ELOA: variants seen among roughly 807,000 people sequenced by gnomAD.
ELOA encodes elongin A.
ELOA carries 15 observed loss-of-function variants against 85.2 expected under a neutral mutation model. That is an observed-to-expected ratio of 0.18 (90% confidence interval 0.12 to 0.27). The LOEUF is 0.27. Ranked by LOEUF, ELOA falls within the 10% of genes least tolerant of loss-of-function variation. ELOA has a pLI of 1.00. For missense variants in ELOA, 769 were observed against 952.7 expected, an observed-to-expected ratio of 0.81 and a Z score of 2.54; for synonymous variants, 348 against 357.2, an observed-to-expected ratio of 0.97 and a Z score of 0.29.
chr1:23,750,894 C>T lies in ELOA; in HGVS notation c.289C>T (p.Arg97Cys), dbSNP rs553800577. 10 of 1,606,836 alleles carry T rather than the reference C, an allele frequency of 6.2e-6. No individual in the cohort carries two copies. The highest frequency in any genetic ancestry group is 4.5e-5 in the East Asian group (2 of 44,854). The change falls in exon 4 of 11, where the codon CGC (arginine) becomes TGC (cysteine). Residue 97 changes from arginine to cysteine, a missense_variant. By Grantham distance (180) the Arg-to-Cys change is radical (BLOSUM62 -3). Coordinates refer to ENST00000613537, the MANE Select transcript of ELOA (RefSeq NM_003198.3). ...QDFEKSNSRK[R>C]PRDALQKEEE... ...CTTTGAGAAGAGCAATTCCCGAAAG[C>T]GCCCTCGGGATGCCCTGCAGAAGGA...
At position 23,756,937 on chromosome 1, in the gene ELOA, T is replaced by G; in HGVS notation, c.2085-16T>G. The G allele has an allele frequency of 6.8e-7, 1 of 1,481,438 alleles. No individual in the cohort carries two copies. The highest frequency in any genetic ancestry group is 8.9e-7 in the Non-Finnish European group (1 of 1,118,546). The allele number at this position is 1,481,438 out of a possible 1,614,324, so 91.8% of individuals were successfully genotyped here. On this transcript the variant is annotated splice_polypyrimidine_tract_variant and intron_variant, in intron 9 of 10. Coordinates refer to ENST00000613537, the MANE Select transcript of ELOA (RefSeq NM_003198.3). ...TTCTTGTGCTCATGCCTAACCAGTG[T>G]TGTCCTGTGTTGCAGGATCAAGCCA...
At chr1:23,749,351 A>G (rs540914832) in intron 2 of ELOA, among the ~76,000 whole-genome samples, 1 of 152,350 alleles carries the variant, frequency 6.6e-6, no homozygotes, top group East Asian at 1.9e-4. Flanking sequence ...GATGGTTATA[A>G]TGGTTATATA....
rs958648529 is a variant in ELOA at position 23,751,704 on chromosome 1, A to G, written c.1099A>G (p.Asn367Asp). Reference protein sequence around the residue: ...LLPKVKEKGSNNLKTPEGKVK... With the variant: ...LLPKVKEKGSDNLKTPEGKVK... Reference sequence around the variant, plus strand: ...GCCCAAGGTAAAAGAGAAGGGTTCTAACAACCTAAAGACTCCAGAAGGGAA... The same window carrying G: ...GCCCAAGGTAAAAGAGAAGGGTTCTGACAACCTAAAGACTCCAGAAGGGAA... The change falls in exon 4 of 11, where the codon AAC (asparagine) becomes GAC (aspartate). Residue 367 changes from asparagine to aspartate, a missense_variant. Physicochemically the swap from Asn to Asp is conservative, Grantham distance 23 (BLOSUM62 1). This residue lies in a region of ELOA where 440 missense variants were observed against 474.0 expected (regional missense o/e 0.93). Transcript: ENST00000613537. 9 of 1,614,068 alleles carry G rather than the reference A, an allele frequency of 5.6e-6. No individual in the cohort carries two copies. In the African/African-American group the frequency reaches 1.1e-4, roughly 19 times the overall value.
intron 3 of ELOA, 148 bp from the exon 4 acceptor site, chr1:23,750,697 C>T (rs909206494): frequency 1.3e-6 from 1 of 742,350 alleles, no homozygotes; most frequent in African/African-American, 1.8e-5. Flanking sequence ...ATTTGAGTAT[C>T]TTTAAGCATA....
In ELOA at chr1:23,751,432, C is replaced by G; in HGVS notation, c.827C>G (p.Ser276Cys). 4.3e-6 allele frequency: 7 copies of G among 1,614,066 alleles called. No homozygotes were observed. The highest frequency in any genetic ancestry group is 5.1e-6 in the Non-Finnish European group (6 of 1,180,032). ...AGAGAGAAATCACACAAGGCCCTCT[C>G]CAAAGAGGAGAACCGAAGGCCACCC... is the stretch of plus-strand genomic sequence containing the variant. The part of the protein sequence containing the change: ...VSREKSHKAL[S>C]KEENRRPPSG... The change falls in exon 4 of 11, where the codon TCC becomes TGC. Residue 276 changes from serine to cysteine, a missense_variant. Physicochemically the swap from Ser to Cys is moderately radical, Grantham distance 112. This residue lies in a region of ELOA where 440 missense variants were observed against 474.0 expected (regional missense o/e 0.93). Transcript: ENST00000613537.
At chr1:23,755,733 T>A in intron 7 of ELOA, 110 bp from the exon 8 acceptor site, 1 of 1,115,754 alleles carries the variant, frequency 9.0e-7, no homozygotes. Context: ...TGAACCAAAA[T>A]TGCACCACTG....
rs372006856 is a variant in ELOA, at chr1:23,755,926, G to T, written c.1875G>T (p.Ser625=). Residue 625 remains serine, a synonymous_variant, in exon 8 of 11, where the codon TCG becomes TCT. Transcript: ENST00000613537. ...FKEERPEEYE[S]WREMYLRLQD... ...AAGAAAGACCCGAAGAGTATGAGTCGTGGCGAGAGATGTACCTGCGGCTTC... is the reference window on the plus strand; with the variant it reads ...AAGAAAGACCCGAAGAGTATGAGTCTTGGCGAGAGATGTACCTGCGGCTTC... The T allele has an allele frequency of 1.9e-6, 3 of 1,613,862 alleles. No homozygotes were observed.
chr1:23,743,491 G>A lies in ELOA; in HGVS notation c.-13G>A, dbSNP rs939529796. ...AGCCCAGTTCCGGCGAGGAGGCCGC[G>A]CCAGTGACAGCGATGGCGGCGGAGT... On this transcript the variant is annotated 5_prime_UTR_variant, in exon 1 of 11. Transcript: ENST00000613537. 3.3e-6 allele frequency: 5 copies of A among 1,504,452 alleles called. No individual in the cohort carries two copies. The highest frequency in any genetic ancestry group is 3.5e-6 in the Non-Finnish European group (4 of 1,132,358). The allele number at this position is 1,504,452 out of a possible 1,614,324, so 93.2% of individuals were successfully genotyped here.
intron 10 of ELOA, among the ~76,000 whole-genome samples, chr1:23,757,332 G>T (rs540329630): frequency 2.6e-5 from 4 of 152,178 alleles, no homozygotes; most frequent in African/African-American, 9.7e-5. Context: ...GAGTCTGGGT[G>T]CAGTGGCTCA....
chr1:23,743,841 A>T (rs771314094), intron 1 of ELOA, among the ~76,000 whole-genome samples: 1 of 152,090 alleles, frequency 6.6e-6, no homozygotes, highest in African/African-American at 2.4e-5. Flanking sequence ...CCGCGTGCCT[A>T]GCGCTTCCTC....
intron 10 of ELOA, among the ~76,000 whole-genome samples, chr1:23,757,384 T>A (rs1216308300): frequency 6.6e-6 from 1 of 152,078 alleles, no homozygotes; most frequent in Non-Finnish European, 1.5e-5. Flanking sequence ...GGCAGGAGGA[T>A]CCCTTGAATC....
chr1:23,754,485 G>C (rs1461901796), intron 7 of ELOA, 25 bp downstream of exon 7: 3 of 1,598,476 alleles, frequency 1.9e-6, no homozygotes, highest in Non-Finnish European at 2.6e-6. Flanking sequence ...TGGGTGGGAA[G>C]AGGGCAGTTT....
At position 23,761,103 on chromosome 1, in the gene ELOA, A is replaced by C. The variant is rs900981442; in HGVS notation, c.*1530A>C. 6.6e-6 allele frequency: 1 copy of C among 152,214 alleles called. No individual in the cohort carries two copies. The highest frequency in any genetic ancestry group is 2.4e-5 in the African/African-American group (1 of 41,452). 9.4% of individuals were successfully genotyped at this position (152,214 alleles called of 1,614,324 possible). On this transcript the variant is annotated 3_prime_UTR_variant, in exon 11 of 11. Transcript: ENST00000613537. ...AATTCCAGAGCAACGTAGGAAGTCT[A>C]TTCAGCAGAAACTCGACATTGTTCA...
In ELOA at chr1:23,761,640, C is replaced by G. The variant is rs994330769; in HGVS notation, c.*2067C>G. On this transcript the variant is annotated 3_prime_UTR_variant, in exon 11 of 11. Coordinates refer to ENST00000613537, the MANE Select transcript of ELOA (RefSeq NM_003198.3). ...AGGGATGTGACTTGGTGCGAAGAGT[C>G]AGGGGAAAGAGGAAAAACCCAATTT... 1 of 152,102 alleles carries G rather than the reference C, an allele frequency of 6.6e-6. No individual in the cohort carries two copies. Among genetic ancestry groups the G allele is most frequent in the African/African-American group, 2.4e-5 (1 of 41,414 alleles). 9.4% of individuals were successfully genotyped at this position (152,102 alleles called of 1,614,324 possible). A position where few individuals can be genotyped will look rare whatever the true frequency, so the allele number is the denominator to read the frequency against.
In ELOA at chr1:23,756,040, A is replaced by T. The variant is rs543291562; in HGVS notation, c.1972+17A>T. On this transcript the variant is annotated intron_variant, in intron 8 of 10. Coordinates refer to ENST00000613537, the MANE Select transcript of ELOA (RefSeq NM_003198.3). ...AGCCCAAAGGTAACAGAGACGGGAG[A>T]GCTGGGGGAGAACTGGCAGGATGAG... 3.7e-6 allele frequency: 6 copies of T among 1,609,146 alleles called. No individual in the cohort carries two copies. In the South Asian group the frequency reaches 6.6e-5, roughly 18 times the overall value.
At chr1:23,746,953 CTT>C (rs1332842831) in intron 1 of ELOA, among the ~76,000 whole-genome samples, 7 of 152,052 alleles carry the variant, frequency 4.6e-5, no homozygotes, top group Admixed American at 2.6e-4. Context: ...CCTTTTTTCT[CTT>C]GTGTTAGACT....
chr1:23,758,269 T>TTTTTTA (rs1557456752), intron 10 of ELOA, among the ~76,000 whole-genome samples: 1 of 91,312 alleles, frequency 1.1e-5, no homozygotes, highest in East Asian at 3.3e-4. Context: ...ATTTTTTTTT[T>TTTTTTA]TTTTTTTTTT....
intron 5 of ELOA, among the ~76,000 whole-genome samples, chr1:23,753,380 C>G (rs1033210278): frequency 6.6e-6 from 1 of 152,102 alleles, no homozygotes; most frequent in African/African-American, 2.4e-5. Flanking sequence ...AGAAGTGATG[C>G]CTTTTTGCTC....
chr1:23,747,911 G>T (rs1427119936), intron 1 of ELOA, among the ~76,000 whole-genome samples: 1 of 152,196 alleles, frequency 6.6e-6, no homozygotes, highest in Non-Finnish European at 1.5e-5. Flanking sequence ...GGTAAAAGCA[G>T]ATCTTGTTAT....
Sources: allele counts gnomAD v4.1 joint callset (sites outside exome capture counted in the v4.1 genomes callset), GRCh38; gene constraint gnomAD v4.1.1; regional missense constraint gnomAD v4.1.1; transcripts MANE v1.5; gene names NCBI Gene and HGNC (gene_info 2026-07-23, HGNC 2026-07-21).